Variants in SDK1 observed in about 807,000 individuals in gnomAD.
The protein encoded by SDK1 is sidekick cell adhesion molecule 1.
In SDK1, 157 loss-of-function variants were observed where a neutral mutation model predicts 245.5. The observed-to-expected ratio is 0.64, with a 90% confidence interval of 0.56 to 0.73. The LOEUF is 0.73. SDK1 is among the 30% of genes least tolerant of loss of function. The probability of loss-of-function intolerance (pLI) is 0.00; values close to 1 mark genes in which losing one functional copy is unlikely to be tolerated. For missense variants in SDK1, 3,583 were observed against 3,002.3 expected, an observed-to-expected ratio of 1.19 and a Z score of -4.52; for synonymous variants, 1,647 against 1,278.5, an observed-to-expected ratio of 1.29 and a Z score of -6.15.
intron 5 of SDK1, among the ~76,000 whole-genome samples, chr7:3,842,236 G>T (rs892154404): frequency 6.6e-6 from 1 of 152,222 alleles, no homozygotes; most frequent in Non-Finnish European, 1.5e-5. Flanking sequence ...CACTGGCCCA[G>T]TTGTGGAGTT....
At chr7:4,194,341 TGTATAGATATATGTATGCAC>T (rs1278565803) in intron 35 of SDK1, among the ~76,000 whole-genome samples, 1 of 124,344 alleles carries the variant, frequency 8.0e-6, no homozygotes, top group African/African-American at 3.7e-5. Flanking sequence ...TGTGTATACA[TGTATAGATATATGTATGCAC>T]GTATGTGTAT....
chr7:3,682,090 C>T (rs891158868), intron 4 of SDK1, among the ~76,000 whole-genome samples: 2 of 152,168 alleles, frequency 1.3e-5, no homozygotes, highest in Non-Finnish European at 2.9e-5. Flanking sequence ...GAAGTATCTG[C>T]CTGTCAGACG....
chr7:3,889,633 A>T (rs964994183), intron 5 of SDK1, among the ~76,000 whole-genome samples: 1 of 152,004 alleles, frequency 6.6e-6, no homozygotes, highest in African/African-American at 2.4e-5. Flanking sequence ...TCAGCCTCCC[A>T]AGTAGCTGGG....
chr7:3,803,770 A>G (rs1779170578), intron 4 of SDK1, among the ~76,000 whole-genome samples: 3 of 115,688 alleles, frequency 2.6e-5, no homozygotes, highest in Admixed American at 1.0e-4. Flanking sequence ...TTTTTTTGAG[A>G]CAGAGTCTGG....
At chr7:4,163,670 C>A (rs117425858) in intron 32 of SDK1, among the ~76,000 whole-genome samples, 10 of 152,126 alleles carry the variant, frequency 6.6e-5, no homozygotes, top group Non-Finnish European at 1.3e-4. Context: ...GGGAGAGAGA[C>A]GTGCTGAGTG....
chr7:4,084,501 A>G (rs1164321802), intron 22 of SDK1, among the ~76,000 whole-genome samples: 1 of 152,144 alleles, frequency 6.6e-6, no homozygotes, highest in Non-Finnish European at 1.5e-5. Flanking sequence ...ATGAGTGTCA[A>G]ATGCTGTTTA....
intron 1 of SDK1, among the ~76,000 whole-genome samples, chr7:3,372,986 T>C (rs1200279354): frequency 2.6e-5 from 4 of 152,218 alleles, no homozygotes; most frequent in Non-Finnish European, 5.9e-5. Flanking sequence ...TAAACTAAAA[T>C]CCAGTGGTTA....
chr7:3,396,995 G>C (rs534811868), intron 1 of SDK1, among the ~76,000 whole-genome samples: 5 of 151,534 alleles, frequency 3.3e-5, no homozygotes, highest in East Asian at 3.9e-4. Context: ...CATCATTCTT[G>C]TTGTTTCTTT....
intron 13 of SDK1, among the ~76,000 whole-genome samples, chr7:3,986,759 A>G (rs912197806): frequency 6.6e-6 from 1 of 152,158 alleles, no homozygotes; most frequent in Non-Finnish European, 1.5e-5. Flanking sequence ...TACTAGGGAG[A>G]CTGAGGCAGA....
At chr7:3,575,526 G>A (rs1395728168) in intron 1 of SDK1, among the ~76,000 whole-genome samples, 4 of 151,972 alleles carry the variant, frequency 2.6e-5, no homozygotes, top group African/African-American at 9.7e-5. Flanking sequence ...TTTCGGGTTG[G>A]GGTGAGGGGG....
intron 4 of SDK1, among the ~76,000 whole-genome samples, chr7:3,737,366 G>A (rs963918925): frequency 6.6e-6 from 1 of 152,232 alleles, no homozygotes; most frequent in Non-Finnish European, 1.5e-5. Context: ...TGCCCTGGGT[G>A]GTGCAGGGGG....
intron 1 of SDK1, among the ~76,000 whole-genome samples, chr7:3,603,335 G>A (rs557268818): frequency 3.3e-5 from 5 of 150,136 alleles, no homozygotes; most frequent in African/African-American, 1.2e-4. Flanking sequence ...TCTTCCATTT[G>A]TTTGTATCCT....
chr7:3,725,463 A>C (rs769963430), intron 4 of SDK1, among the ~76,000 whole-genome samples: 1 of 152,182 alleles, frequency 6.6e-6, no homozygotes, highest in African/African-American at 2.4e-5. Context: ...TTTTTCAAAA[A>C]AATTCTCTAT....
chr7:4,096,624 T>A (rs1253759788), intron 22 of SDK1, among the ~76,000 whole-genome samples: 2 of 152,058 alleles, frequency 1.3e-5, no homozygotes. Context: ...ATAAAAATAA[T>A]GAAGTTAAGG....
intron 1 of SDK1, among the ~76,000 whole-genome samples, chr7:3,311,058 G>T (rs1443639616): frequency 6.6e-6 from 1 of 151,992 alleles, no homozygotes; most frequent in African/African-American, 2.4e-5. Context: ...TTCTTTTCCT[G>T]TAATATTAGG....
At chr7:4,003,714 A>G (rs1302901114) in intron 14 of SDK1, among the ~76,000 whole-genome samples, 6 of 152,122 alleles carry the variant, frequency 3.9e-5, no homozygotes, top group Admixed American at 2.6e-4. Flanking sequence ...GGGGAATTTA[A>G]CCTGATCTGT....
intron 17 of SDK1, among the ~76,000 whole-genome samples, chr7:4,048,241 A>G (rs1410131408): frequency 6.6e-6 from 1 of 152,112 alleles, no homozygotes; most frequent in Non-Finnish European, 1.5e-5. Context: ...TCACTTTAGA[A>G]CAAGCACCTG....
intron 4 of SDK1, among the ~76,000 whole-genome samples, chr7:3,735,147 A>G (rs758580178): frequency 1.9e-4 from 29 of 150,918 alleles, no homozygotes; most frequent in Non-Finnish European, 3.7e-4. Context: ...TTTCTTCTCA[A>G]CTTAAAAAAA....
chr7:3,555,625 A>C (rs1779564481), intron 1 of SDK1, among the ~76,000 whole-genome samples: 2 of 152,154 alleles, frequency 1.3e-5, no homozygotes, highest in South Asian at 4.1e-4. Context: ...ACAATCAACA[A>C]AGCAAAGAGA....
Sources: gnomAD v4.1 joint callset for allele counts (sites outside exome capture counted in the v4.1 genomes callset) on GRCh38, gnomAD v4.1.1 for gene constraint, MANE v1.5 for transcripts, NCBI Gene and HGNC (gene_info 2026-07-23, HGNC 2026-07-21) for gene names.